Variants in ENPP6 observed in about 807,000 individuals in gnomAD.
ENPP6 encodes the protein glycerophosphocholine cholinephosphodiesterase ENPP6.
A neutral mutation model predicts 42.0 loss-of-function variants in ENPP6; 32 were observed. That is an observed-to-expected ratio of 0.76 (90% CI 0.58 to 1.02). The LOEUF (loss-of-function observed/expected upper bound fraction) is 1.02, where lower values mean the gene tolerates loss of function less well. ENPP6 is among the 50% of genes least tolerant of loss of function. The pLI is 0.00. For synonymous variants in ENPP6, 213 were observed against 216.0 expected, an observed-to-expected ratio of 0.99 and a Z score of 0.12; for missense variants, 552 against 566.8, an observed-to-expected ratio of 0.97 and a Z score of 0.27.
At chr4:184,215,225 C>T (rs969405021) in intron 1 of ENPP6, among the ~76,000 whole-genome samples, 2 of 152,158 alleles carry the variant, frequency 1.3e-5, no homozygotes, top group South Asian at 2.1e-4. Flanking sequence ...AGCAATAATT[C>T]GGGTAATGAA....
rs529200869 is a variant in ENPP6 at position 184,210,120 on chromosome 4, C to T, written c.241+7459G>A. The stretch of plus-strand genomic sequence containing the variant: ...AGGGAAAGGAACAACCGGTACCACC[C>T]GCTGCAAAATCATGCCAAAGTATAA... On this transcript the variant is annotated intron_variant, in intron 1 of 7. Transcript: ENST00000296741. Among the ~76,000 whole-genome samples the T allele has an allele frequency of 7.3e-5, 11 of 151,370 alleles. 2 individuals carry two copies. The highest frequency in any genetic ancestry group is 1.2e-4 in the African/African-American group (5 of 40,932).
intron 1 of ENPP6, 130 bp downstream of exon 1, chr4:184,217,449 A>T: frequency 7.7e-7 from 1 of 1,297,366 alleles, no homozygotes; most frequent in Admixed American, 2.6e-5. Flanking sequence ...GATTTTTTTT[A>T]TCTACCTTTG....
chr4:184,147,193 C>T (rs1361362244), intron 2 of ENPP6, among the ~76,000 whole-genome samples: 3 of 152,216 alleles, frequency 2.0e-5, no homozygotes, highest in African/African-American at 7.2e-5. Context: ...TGTCACCGTC[C>T]AATCCCTTAC....
intron 6 of ENPP6, among the ~76,000 whole-genome samples, chr4:184,104,051 G>T (rs917570303): frequency 6.6e-6 from 1 of 150,888 alleles, no homozygotes; most frequent in Admixed American, 6.6e-5. Context: ...ATTGCAGTGC[G>T]CCCAGGCTGA....
intron 2 of ENPP6, among the ~76,000 whole-genome samples, chr4:184,130,185 T>A (rs1448816272): frequency 9.2e-5 from 14 of 152,140 alleles, no homozygotes; most frequent in African/African-American, 3.4e-4. Flanking sequence ...GATCCCTGGG[T>A]CTGCAGCAGC....
chr4:184,158,046 T>G (rs1478851121), intron 1 of ENPP6, among the ~76,000 whole-genome samples: 3 of 152,188 alleles, frequency 2.0e-5, no homozygotes, highest in Admixed American at 2.0e-4. Flanking sequence ...CCTCTTTTAT[T>G]CTTTTTGCAT....
chr4:184,153,558 CCAGTAGTACATGTA>C lies in ENPP6; in HGVS notation c.403_416del (p.Tyr135AlafsTer4), dbSNP rs1560994581. ...AATGGATGTTCACACACTCACCTGG[CCAGTAGTACATGTA>C]GACCTTCCTTTTGGCCTTGGTCAGA... On this transcript the variant is annotated frameshift_variant, in exon 2 of 8. Transcript: ENST00000296741. LOFTEE classifies it high-confidence loss of function. The C allele has an allele frequency of 1.9e-6, 3 of 1,612,164 alleles. No homozygotes were observed. In the East Asian group the frequency reaches 6.7e-5, roughly 36 times the overall value.
At chr4:184,187,392 C>T (rs115649631) in intron 1 of ENPP6, among the ~76,000 whole-genome samples, 3,793 of 152,248 alleles carry the variant, frequency 0.025, 155 homozygotes, top group African/African-American at 0.087. Context: ...GGCAGTACTG[C>T]GTGAAGGCCA....
chr4:184,174,886 G>A lies in ENPP6; in HGVS notation c.242-21153C>T, dbSNP rs111994711. On this transcript the variant is annotated intron_variant, in intron 1 of 7. Coordinates refer to ENST00000296741, the MANE Select transcript of ENPP6 (RefSeq NM_153343.4). ...TCTTTATCTTAAAATGTGGGAGATG[G>A]AATTCATGCATCTGCTAACCCTGCT... 8.4e-3 allele frequency among the ~76,000 whole-genome samples: 1,283 copies of A among 152,310 alleles called. 12 individuals carry two copies. Among genetic ancestry groups the A allele is most frequent in the Non-Finnish European group, 0.014 (936 of 68,028 alleles).
intron 1 of ENPP6, among the ~76,000 whole-genome samples, chr4:184,205,016 C>G (rs1048535611): frequency 6.6e-6 from 1 of 152,108 alleles, no homozygotes; most frequent in Non-Finnish European, 1.5e-5. Flanking sequence ...CTGCAACCTC[C>G]TCCTCCTGGG....
chr4:184,103,639 T>C (rs1416902388), intron 6 of ENPP6, among the ~76,000 whole-genome samples: 1 of 152,226 alleles, frequency 6.6e-6, no homozygotes, highest in Admixed American at 6.5e-5. Context: ...GTTTCTATTA[T>C]AAACCACGCT....
At chr4:184,198,017 A>T (rs1475353059) in intron 1 of ENPP6, among the ~76,000 whole-genome samples, 2 of 152,202 alleles carry the variant, frequency 1.3e-5, no homozygotes, top group African/African-American at 2.4e-5. Flanking sequence ...GGCATCCAGT[A>T]TGAAGATGAG....
At chr4:184,147,051 G>A (rs142787210) in intron 2 of ENPP6, among the ~76,000 whole-genome samples, 83 of 152,162 alleles carry the variant, frequency 5.5e-4, no homozygotes, top group Non-Finnish European at 6.6e-4. Flanking sequence ...CAGACCTGCC[G>A]GCTCGACGTC....
chr4:184,120,117 C>G (rs965937575), intron 3 of ENPP6, among the ~76,000 whole-genome samples: 3 of 152,142 alleles, frequency 2.0e-5, no homozygotes, highest in Non-Finnish European at 4.4e-5. Flanking sequence ...CTCCTCCTTC[C>G]AGGTGGCCCT....
At chr4:184,116,705 C>T (rs889113176) in intron 5 of ENPP6, 151 bp downstream of exon 5, 25 of 1,078,020 alleles carry the variant, frequency 2.3e-5, no homozygotes, top group African/African-American at 3.2e-5. Flanking sequence ...TGCACTCCAG[C>T]CTGGGCAATA....
intron 1 of ENPP6, among the ~76,000 whole-genome samples, chr4:184,183,781 C>A (rs1579653897): frequency 6.6e-6 from 1 of 152,306 alleles, no homozygotes; most frequent in Middle Eastern, 3.4e-3. Flanking sequence ...CCACTGTGAA[C>A]AGATGTTGCT....
chr4:184,184,970 G>A lies in ENPP6; in HGVS notation c.242-31237C>T, dbSNP rs377403677. On this transcript the variant is annotated intron_variant, in intron 1 of 7. Transcript: ENST00000296741. The surrounding 1 kb of genome is among the most constrained non-coding windows in gnomAD (Gnocchi z 4.7). The stretch of plus-strand genomic sequence containing the variant: ...GGAGGAATGGGAGGAGAGGAGCTGC[G>A]TCACATCTAATGAGACAGCTGGGAG... Among the ~76,000 whole-genome samples the A allele has an allele frequency of 8.9e-4, 136 of 152,318 alleles. 1 individual carries two copies. The South Asian group carries it at 0.026, about 29-fold the overall frequency.
chr4:184,144,446 C>CGT (rs1736884582), intron 2 of ENPP6, among the ~76,000 whole-genome samples: 1 of 152,194 alleles, frequency 6.6e-6, no homozygotes, highest in Non-Finnish European at 1.5e-5. Flanking sequence ...GCAGCCCCGC[C>CGT]ACTCACTTTC....
chr4:184,131,022 G>A (rs13110203), intron 2 of ENPP6, among the ~76,000 whole-genome samples: 100,984 of 151,976 alleles, frequency 0.66, 33,774 homozygotes, highest in Non-Finnish European at 0.68. Context: ...ATGCATTTCT[G>A]TTAGGATACA....
Sources: allele counts gnomAD v4.1 joint callset (sites outside exome capture counted in the v4.1 genomes callset), GRCh38; gene constraint gnomAD v4.1.1; non-coding constraint Gnocchi (gnomAD v3.1); transcripts MANE v1.5; gene names NCBI Gene and HGNC (gene_info 2026-07-23, HGNC 2026-07-21).